VPS26A: variants seen among roughly 807,000 people sequenced by gnomAD.
VPS26A encodes the protein vacuolar protein sorting-associated protein 26A.
A neutral mutation model predicts 42.4 loss-of-function variants in VPS26A; 22 were observed. The ratio of observed to expected loss-of-function variants is 0.52; its 90% CI spans 0.37 to 0.74. VPS26A has a LOEUF of 0.74. Ranked by LOEUF, VPS26A falls within the 30% of genes least tolerant of loss-of-function variation. VPS26A has a pLI of 0.00. For synonymous variants in VPS26A, 110 were observed against 123.5 expected (o/e 0.89, Z 0.73); for missense variants, 276 against 379.2 (o/e 0.73, Z 2.26).
chr10:69,159,233 T>C (rs1841498918), intron 5 of VPS26A, among the ~76,000 whole-genome samples: 1 of 151,872 alleles, frequency 6.6e-6, no homozygotes, highest in Non-Finnish European at 1.5e-5. Context: ...ATACAAAAAT[T>C]AGATGGGTGT....
At chr10:69,142,700 A>G (rs1841070072) in intron 2 of VPS26A, among the ~76,000 whole-genome samples, 1 of 151,882 alleles carries the variant, frequency 6.6e-6, no homozygotes, top group Admixed American at 6.6e-5. Context: ...ACTTATTTTA[A>G]TATAACAAAT....
intron 5 of VPS26A, among the ~76,000 whole-genome samples, chr10:69,160,777 A>G (rs1369700036): frequency 6.6e-6 from 1 of 152,196 alleles, no homozygotes; most frequent in Non-Finnish European, 1.5e-5. Flanking sequence ...TTGAGATACA[A>G]TTTTGAGAGC....
chr10:69,144,205 A>G (rs1412773562), intron 2 of VPS26A, among the ~76,000 whole-genome samples: 1 of 152,082 alleles, frequency 6.6e-6, no homozygotes, highest in African/African-American at 2.4e-5. Flanking sequence ...ACTGTTACTA[A>G]TCTTGCATTA....
chr10:69,158,276 CA>C (rs1432424323), intron 5 of VPS26A, 65 bp downstream of exon 5: 5 of 1,330,068 alleles, frequency 3.8e-6, no homozygotes, highest in Non-Finnish European at 5.0e-6. Context: ...AGGTGTTTGT[CA>C]GTTGGTCAAA....
intron 5 of VPS26A, among the ~76,000 whole-genome samples, chr10:69,159,316 G>T (rs368596399): frequency 1.2e-4 from 19 of 152,030 alleles, no homozygotes; most frequent in African/African-American, 4.6e-4. Flanking sequence ...GGGAGGTAAA[G>T]GTTGCAGTGT....
rs1782619247 is a variant in VPS26A, at chr10:69,172,625, TCCATGTACC to T, written c.*1357_*1365del. 1 of 151,444 alleles carries T rather than the reference TCCATGTACC, an allele frequency of 6.6e-6. No homozygotes were observed. Among genetic ancestry groups the T allele is most frequent in the Non-Finnish European group, 1.5e-5 (1 of 68,034 alleles). The allele number at this position is 151,444 out of a possible 1,614,324, so 9.4% of individuals were successfully genotyped here. A position where few individuals can be genotyped will look rare whatever the true frequency, so the allele number is the denominator to read the frequency against. ...GGAACCAACTTTACTGGCAAAAGGG[TCCATGTACC>T]ACCATGTGCTGGAGCATCTGTTCTA... is the stretch of plus-strand genomic sequence containing the variant. On this transcript the variant is annotated 3_prime_UTR_variant, in exon 9 of 9. Transcript: ENST00000263559.
chr10:69,128,180 A>G (rs895512704), intron 1 of VPS26A, among the ~76,000 whole-genome samples: 11 of 151,442 alleles, frequency 7.3e-5, no homozygotes, highest in African/African-American at 2.4e-4. Flanking sequence ...TACCATTTTA[A>G]TTGGTGGCAA....
chr10:69,126,540 C>T (rs1194386506), intron 1 of VPS26A, among the ~76,000 whole-genome samples: 1 of 149,130 alleles, frequency 6.7e-6, no homozygotes, highest in Non-Finnish European at 1.5e-5. Flanking sequence ...GTACTCCAGC[C>T]TGGCGACAGA....
chr10:69,124,384 A>C lies in VPS26A; in HGVS notation c.3+104A>C, dbSNP rs913044806. 5 of 1,180,618 alleles carry C rather than the reference A, an allele frequency of 4.2e-6. No homozygotes were observed. In the African/African-American group the frequency reaches 8.0e-5, roughly 19 times the overall value. 73.1% of individuals were successfully genotyped at this position (1,180,618 alleles called of 1,614,324 possible). On this transcript the variant is annotated intron_variant, in intron 1 of 8. Transcript: ENST00000263559. ...GCGTCGCCGGAGGAGGGGACGGGGG[A>C]GCAGGGCGGGGAGCGGGGTTAGGCC...
intron 1 of VPS26A, among the ~76,000 whole-genome samples, chr10:69,130,125 C>G (rs1267933856): frequency 6.8e-6 from 1 of 146,636 alleles, no homozygotes; most frequent in Non-Finnish European, 1.5e-5. Context: ...CAGTTAATTT[C>G]TCTTGTATAT....
chr10:69,167,454 A>T (rs1410764688), intron 7 of VPS26A, among the ~76,000 whole-genome samples: 1 of 129,942 alleles, frequency 7.7e-6, no homozygotes, highest in Non-Finnish European at 1.6e-5. Flanking sequence ...GAAAAAAAAA[A>T]GCCAGGCGCG....
intron 2 of VPS26A, among the ~76,000 whole-genome samples, chr10:69,137,163 A>G (rs896883525): frequency 4.6e-5 from 7 of 152,192 alleles, no homozygotes; most frequent in African/African-American, 1.7e-4. Context: ...TTATTTCTCA[A>G]TAACTTATAT....
In VPS26A at chr10:69,174,132, CTT is replaced by C. The variant is rs1305187279; in HGVS notation, c.*2864_*2865del. On this transcript the variant is annotated 3_prime_UTR_variant, in exon 9 of 9. Coordinates refer to ENST00000263559, the MANE Select transcript of VPS26A (RefSeq NM_004896.5). ...ACTGTGGAAGCTCTGTTCTTTCACT[CTT>C]CACGATACATCTTGCTGCTGCTCAC... is the stretch of plus-strand genomic sequence containing the variant. 2.6e-5 allele frequency among the ~76,000 whole-genome samples: 4 copies of C among 152,212 alleles called. No individual in the cohort carries two copies. The highest frequency in any genetic ancestry group is 4.4e-5 in the Non-Finnish European group (3 of 68,030).
At chr10:69,148,015 G>T (rs1012235360) in intron 2 of VPS26A, among the ~76,000 whole-genome samples, 1 of 152,026 alleles carries the variant, frequency 6.6e-6, no homozygotes. Context: ...CCCAGCCCCT[G>T]TATTGTGTTT....
chr10:69,154,765 T>C (rs1841394521), intron 2 of VPS26A, among the ~76,000 whole-genome samples: 1 of 152,238 alleles, frequency 6.6e-6, no homozygotes, highest in African/African-American at 2.4e-5. Context: ...ATTTGGAGGC[T>C]GAGGCAGGAG....
At chr10:69,167,712 C>T (rs896964355) in intron 7 of VPS26A, among the ~76,000 whole-genome samples, 1 of 143,400 alleles carries the variant, frequency 7.0e-6, no homozygotes, top group Admixed American at 7.0e-5. Flanking sequence ...CATTGCACTC[C>T]GGCCTGGGCG....
chr10:69,132,259 A>T (rs569130752), intron 1 of VPS26A, among the ~76,000 whole-genome samples: 10 of 152,218 alleles, frequency 6.6e-5, no homozygotes, highest in Admixed American at 4.6e-4. Context: ...AACTTCTTAG[A>T]TTTCTGACAT....
In VPS26A at chr10:69,162,441, ACTT is replaced by A; in HGVS notation, c.591_593del (p.Phe197del). The A allele has an allele frequency of 6.4e-7, 1 of 1,552,466 alleles. No individual in the cohort carries two copies. The highest frequency in any genetic ancestry group is 8.8e-7 in the Non-Finnish European group (1 of 1,130,260). ...AAGGATGTGATTGTTGGAAAAATTT[ACTT>A]CTTATTAGTAAGAATAAAAATACAA... On this transcript the variant is annotated inframe_deletion, in exon 6 of 9. Transcript: ENST00000263559.
At chr10:69,160,568 C>T (rs544799100) in intron 5 of VPS26A, among the ~76,000 whole-genome samples, 1 of 152,186 alleles carries the variant, frequency 6.6e-6, no homozygotes, top group African/African-American at 2.4e-5. Flanking sequence ...TCTCCTGCCT[C>T]AGCCTCCTGA....
Sources: gnomAD v4.1 joint callset for allele counts (sites outside exome capture counted in the v4.1 genomes callset) on GRCh38, gnomAD v4.1.1 for gene constraint, MANE v1.5 for transcripts, NCBI Gene and HGNC (gene_info 2026-07-23, HGNC 2026-07-21) for gene names.